The following KIAA1549L variants were observed in gnomAD, a reference collection of about 807,000 sequenced individuals.
The protein encoded by KIAA1549L is KIAA1549 like.
KIAA1549L carries 88 observed loss-of-function variants against 160.7 expected under a neutral mutation model. That is an observed-to-expected ratio of 0.55 (90% confidence interval 0.46 to 0.65). The LOEUF is 0.65. Among genes scored for constraint, KIAA1549L ranks in the 30% least tolerant of loss-of-function variants. The pLI is 0.00. For synonymous variants in KIAA1549L, 950 were observed against 976.7 expected (o/e 0.97, Z 0.51); for missense variants, 2,258 against 2,437.5 (o/e 0.93, Z 1.55).
chr11:33,512,803 T>G (rs1299208581), intron 1 of KIAA1549L, among the ~76,000 whole-genome samples: 2 of 152,226 alleles, frequency 1.3e-5, no homozygotes, highest in Non-Finnish European at 2.9e-5. Context: ...AGGTAGTTCC[T>G]AGGCGACAAC....
At chr11:33,383,273 C>CTTT (rs35630887) in intron 1 of KIAA1549L, among the ~76,000 whole-genome samples, 34 of 144,168 alleles carry the variant, frequency 2.4e-4, no homozygotes, top group African/African-American at 7.8e-4. Context: ...TTCTTTCTTT[C>CTTT]TTTTTTTTTT....
intron 1 of KIAA1549L, among the ~76,000 whole-genome samples, chr11:33,496,942 C>T (rs1852834453): frequency 6.6e-6 from 1 of 152,178 alleles, no homozygotes; most frequent in African/African-American, 2.4e-5. Flanking sequence ...ACACCAGCCT[C>T]CTTTCAACCT....
chr11:33,489,912 C>G (rs1048763500), intron 1 of KIAA1549L, among the ~76,000 whole-genome samples: 1 of 152,196 alleles, frequency 6.6e-6, no homozygotes, highest in African/African-American at 2.4e-5. Flanking sequence ...ATGCGAGGCA[C>G]TCAATGATCT....
At chr11:33,583,022 A>G (rs1855692268) in intron 10 of KIAA1549L, among the ~76,000 whole-genome samples, 1 of 152,190 alleles carries the variant, frequency 6.6e-6, no homozygotes, top group Admixed American at 6.5e-5. Context: ...GAAAATTGTT[A>G]CTGATCCATC....
chr11:33,468,742 C>T (rs1478856377), intron 1 of KIAA1549L, among the ~76,000 whole-genome samples: 1 of 152,218 alleles, frequency 6.6e-6, no homozygotes, highest in African/African-American at 2.4e-5. Flanking sequence ...GAACTCTTCT[C>T]AGCTATAATA....
intron 16 of KIAA1549L, among the ~76,000 whole-genome samples, chr11:33,630,455 G>C (rs554608192): frequency 6.6e-6 from 1 of 152,020 alleles, no homozygotes; most frequent in Non-Finnish European, 1.5e-5. Flanking sequence ...AGGCCCCTCC[G>C]AGCCAGGTGC....
In KIAA1549L at chr11:33,524,128, A is replaced by G. The variant is rs180990636; in HGVS notation, c.239-17674A>G. 1.2e-3 allele frequency among the ~76,000 whole-genome samples: 179 copies of G among 152,318 alleles called. No homozygotes were observed. The South Asian group carries it at 0.025, about 21-fold the overall frequency. ...TGATCCTCCTACCTTTTTCTATGGT[A>G]AGTGGCTCCTTTTTCCTATGTTAAT... On this transcript the variant is annotated intron_variant, in intron 1 of 20. Coordinates refer to ENST00000658780, the MANE Select transcript of KIAA1549L (RefSeq NM_012194.3).
chr11:33,629,356 T>A (rs2133371889), intron 16 of KIAA1549L, among the ~76,000 whole-genome samples: 1 of 152,312 alleles, frequency 6.6e-6, no homozygotes, highest in Admixed American at 6.5e-5. Flanking sequence ...TTGGGGAAGT[T>A]CTCCTGGATA....
At chr11:33,470,510 A>T (rs921192608) in intron 1 of KIAA1549L, among the ~76,000 whole-genome samples, 2 of 151,852 alleles carry the variant, frequency 1.3e-5, no homozygotes, top group East Asian at 3.9e-4. Flanking sequence ...CAGTGGTGTG[A>T]TCATGGCTTA....
chr11:33,534,457 A>G (rs1259295837), intron 1 of KIAA1549L, among the ~76,000 whole-genome samples: 1 of 152,186 alleles, frequency 6.6e-6, no homozygotes, highest in Non-Finnish European at 1.5e-5. Flanking sequence ...CATGTCATTT[A>G]GTCTAAGTAG....
At chr11:33,548,302 G>T (rs995890050) in intron 4 of KIAA1549L, among the ~76,000 whole-genome samples, 3 of 152,180 alleles carry the variant, frequency 2.0e-5, no homozygotes, top group Non-Finnish European at 4.4e-5. Context: ...GGGAGGCTGA[G>T]ACAGGAGAAT....
intron 16 of KIAA1549L, among the ~76,000 whole-genome samples, chr11:33,642,337 G>A (rs180779784): frequency 6.6e-6 from 1 of 152,204 alleles, no homozygotes; most frequent in Admixed American, 6.5e-5. Context: ...ATAAAGTTAC[G>A]GTGCTGCAAA....
chr11:33,447,329 G>A (rs975603304), intron 1 of KIAA1549L, among the ~76,000 whole-genome samples: 2 of 152,152 alleles, frequency 1.3e-5, no homozygotes, highest in South Asian at 4.1e-4. Flanking sequence ...CTACCTATAT[G>A]AGAATGATGC....
chr11:33,586,416 G>GGTA (rs10695668), intron 11 of KIAA1549L, among the ~76,000 whole-genome samples: 28,370 of 152,096 alleles, frequency 0.19, 3,335 homozygotes, highest in East Asian at 0.37. Context: ...GGCTTCTGCA[G>GGTA]GTAGAATGGT....
At chr11:33,397,595 C>T (rs1226521015) in intron 1 of KIAA1549L, among the ~76,000 whole-genome samples, 2 of 151,600 alleles carry the variant, frequency 1.3e-5, no homozygotes, top group East Asian at 2.0e-4. Context: ...GCCTGTAGTC[C>T]CAGCTACTCG....
intron 1 of KIAA1549L, among the ~76,000 whole-genome samples, chr11:33,420,968 G>A (rs1237292427): frequency 2.0e-5 from 3 of 152,128 alleles, no homozygotes; most frequent in Non-Finnish European, 4.4e-5. Flanking sequence ...CGGCCCTGAG[G>A]AATGCCTATT....
chr11:33,477,522 C>CAT (rs1790538051), intron 1 of KIAA1549L, among the ~76,000 whole-genome samples: 1 of 147,142 alleles, frequency 6.8e-6, no homozygotes, highest in Non-Finnish European at 1.5e-5. Context: ...CACACACAAA[C>CAT]ACACACACAC....
chr11:33,451,252 A>G (rs999978380), intron 1 of KIAA1549L, among the ~76,000 whole-genome samples: 2 of 152,168 alleles, frequency 1.3e-5, no homozygotes, highest in Admixed American at 6.5e-5. Flanking sequence ...GAAGACATGA[A>G]TTTTTCCTGG....
chr11:33,457,370 G>A (rs1052611655), intron 1 of KIAA1549L, among the ~76,000 whole-genome samples: 1 of 152,154 alleles, frequency 6.6e-6, no homozygotes, highest in Non-Finnish European at 1.5e-5. Context: ...CTGTTGAATG[G>A]TTTTGCCCTG....
Sources: allele counts gnomAD v4.1 joint callset (sites outside exome capture counted in the v4.1 genomes callset), GRCh38; gene constraint gnomAD v4.1.1; transcripts MANE v1.5; gene names NCBI Gene and HGNC (gene_info 2026-07-23, HGNC 2026-07-21).